DYNC1H1: variants seen among roughly 807,000 people sequenced by gnomAD.
DYNC1H1 encodes cytoplasmic dynein 1 heavy chain 1.
Under a neutral mutation model 527.1 loss-of-function variants are expected in DYNC1H1, and 51 were observed. That is an observed-to-expected ratio of 0.10 (90% CI 0.08 to 0.12). DYNC1H1 has a LOEUF of 0.12. DYNC1H1 is among the 10% of genes least tolerant of loss of function. The probability of loss-of-function intolerance (pLI) is 1.00; values close to 1 mark genes in which losing one functional copy is unlikely to be tolerated. For synonymous variants in DYNC1H1, 2,189 were observed against 2,278.8 expected (o/e 0.96, Z 1.12); for missense variants, 2,771 against 5,971.8 (o/e 0.46, Z 17.66).
At chr14:101,980,940 T>C (rs1029597350) in intron 5 of DYNC1H1, among the ~76,000 whole-genome samples, 1 of 152,156 alleles carries the variant, frequency 6.6e-6, no homozygotes, top group Admixed American at 6.5e-5. Context: ...GCCCAGAGGG[T>C]TGTGGAAAAA....
rs1595624407 is a variant in DYNC1H1, at chr14:102,029,830, G to A, written c.9654G>A (p.Leu3218=). The A allele has an allele frequency of 1.9e-6, 3 of 1,614,148 alleles. No individual in the cohort carries two copies. Among genetic ancestry groups the A allele is most frequent in the Non-Finnish European group, 1.7e-6 (2 of 1,180,034 alleles). Reference sequence around the variant, plus strand: ...GCTTTGCTCTTTAGGTAGAAGAACTGCGTCGTGACTTGAGGATAAAGAGCC... The same window carrying A: ...GCTTTGCTCTTTAGGTAGAAGAACTACGTCGTGACTTGAGGATAAAGAGCC... ...IKETVDQVEE[L]RRDLRIKSQE... The change falls in exon 50 of 78, where the codon CTG becomes CTA. Residue 3218 remains leucine, a synonymous_variant. Transcript: ENST00000360184. This position sits in a 1 kb window ranked among gnomAD's most constrained non-coding sequence, Gnocchi z 5.3.
rs1191328249 is a variant in DYNC1H1 at position 102,027,865 on chromosome 14, G to A, written c.9263+32G>A. On this transcript the variant is annotated intron_variant, in intron 47 of 77. Coordinates refer to ENST00000360184, the MANE Select transcript of DYNC1H1 (RefSeq NM_001376.5). This position sits in a 1 kb window ranked among gnomAD's most constrained non-coding sequence, Gnocchi z 7.7. ...GGGCCTTTACTTGGCTCTGGGTCAGGAAAGTCGGTGTCCTTCCAAGGGACA... is the reference window on the plus strand; with the variant it reads ...GGGCCTTTACTTGGCTCTGGGTCAGAAAAGTCGGTGTCCTTCCAAGGGACA... 3.1e-6 allele frequency: 5 copies of A among 1,614,200 alleles called. No homozygotes were observed. The African/African-American group carries it at 4.0e-5, about 13-fold the overall frequency.
Position 102,041,666 on chromosome 14 carries a change from A to C in DYNC1H1, c.12034A>C (p.Asn4012His), listed in dbSNP as rs751075435. 6.2e-7 allele frequency: 1 copy of C among 1,614,124 alleles called. No homozygotes were observed. ...LAMAHMFVST[N>H]LGESFMSIME... ...CATGGCCCACATGTTTGTTTCAACA[A>C]ACCTTGGGGAGTCTTTCATGTCCAT... is the stretch of plus-strand genomic sequence containing the variant. Residue 4012 changes from asparagine (N) to histidine (H), a missense_variant, in exon 65 of 78, where the codon AAC becomes CAC. Around this residue, in one of 32 missense-constraint regions of DYNC1H1, gnomAD observed 120 missense variants for 161.9 expected, o/e 0.74. Transcript: ENST00000360184. This position sits in a 1 kb window ranked among gnomAD's most constrained non-coding sequence, Gnocchi z 4.5.
chr14:101,971,675 G>A (rs1595593951), intron 1 of DYNC1H1, among the ~76,000 whole-genome samples: 2 of 152,170 alleles, frequency 1.3e-5, no homozygotes, highest in African/African-American at 4.8e-5. Flanking sequence ...GCAATGAGCT[G>A]TGATTGCACC....
chr14:102,005,824 A>C lies in DYNC1H1; in HGVS notation c.5434-64A>C, dbSNP rs1350626035. The C allele has an allele frequency of 2.5e-6, 4 of 1,603,108 alleles. No homozygotes were observed. The highest frequency in any genetic ancestry group is 4.5e-5 in the East Asian group (2 of 44,840). ...TCAATTTCAGTTTAACAGTCCACAA[A>C]CCCGGAGAATGCACTGTATTGCTTT... is the stretch of plus-strand genomic sequence containing the variant. On this transcript the variant is annotated intron_variant, in intron 26 of 77. Transcript: ENST00000360184. The surrounding 1 kb of genome is among the most constrained non-coding windows in gnomAD (Gnocchi z 4.0).
At chr14:102,048,363 G>C (rs879336083) in intron 73 of DYNC1H1, 153 bp from the exon 74 acceptor site, 1 of 1,068,358 alleles carries the variant, frequency 9.4e-7, no homozygotes, top group South Asian at 1.4e-5. Context: ...ACACAAGCTC[G>C]GTTCCAAGTC....
chr14:101,986,766 A>G lies in DYNC1H1; in HGVS notation c.2538+3A>G, dbSNP rs1566999428. The G allele has an allele frequency of 1.9e-6, 3 of 1,614,162 alleles. No homozygotes were observed. Among genetic ancestry groups the G allele is most frequent in the Non-Finnish European group, 1.7e-6 (2 of 1,180,016 alleles). On this transcript the variant is annotated splice_donor_region_variant and intron_variant, in intron 8 of 77. Transcript: ENST00000360184. The surrounding 1 kb of genome is among the most constrained non-coding windows in gnomAD (Gnocchi z 8.7). ...CTGTCTTCAACTTCCAAGAAAAGGT[A>G]TGCTCTCATGTAATCCTCAGGTGTC...
At chr14:102,022,984 T>C (rs2152586527) in intron 43 of DYNC1H1, 104 bp downstream of exon 43, 1 of 1,551,164 alleles carries the variant, frequency 6.4e-7, no homozygotes, top group Non-Finnish European at 8.7e-7. Context: ...ATCTTTAGGC[T>C]GGGTATGGTG....
At position 102,005,049 on chromosome 14, in the gene DYNC1H1, T is replaced by C; in HGVS notation, c.5246T>C (p.Leu1749Pro). ...TGTTTCTGTGTCTTTCAGGCCCAGC[T>C]TGTGGTTTTGTCAGCCCAGATAGCC... The part of the protein sequence containing the change: ...ITWIDKYQAQ[L>P]VVLSAQIAWS... The change falls in exon 26 of 78, where the codon CTT becomes CCT. Residue 1749 changes from leucine to proline, a missense_variant. Physicochemically the swap from Leu to Pro is moderately conservative, Grantham distance 98. Transcript: ENST00000360184. The surrounding 1 kb of genome is among the most constrained non-coding windows in gnomAD (Gnocchi z 4.0). The C allele has an allele frequency of 6.2e-7, 1 of 1,614,196 alleles. No individual in the cohort carries two copies. The highest frequency in any genetic ancestry group is 2.2e-5 in the East Asian group (1 of 44,882).
Position 102,011,251 on chromosome 14 carries a change from C to G in DYNC1H1, c.6618+299C>G, listed in dbSNP as rs1000783315. 1.4e-5 allele frequency: 6 copies of G among 435,828 alleles called. No homozygotes were observed. Among genetic ancestry groups the G allele is most frequent in the Non-Finnish European group, 2.6e-5 (6 of 234,132 alleles). The allele number at this position is 435,828 out of a possible 1,614,324, so 27.0% of individuals were successfully genotyped here. Reference sequence around the variant, plus strand: ...ATAAAAATTCTGCTTACCAGACTTTCCAGTGCCAGAGATGAACAACCTGAA... The same window carrying G: ...ATAAAAATTCTGCTTACCAGACTTTGCAGTGCCAGAGATGAACAACCTGAA... On this transcript the variant is annotated intron_variant, in intron 32 of 77. Coordinates refer to ENST00000360184, the MANE Select transcript of DYNC1H1 (RefSeq NM_001376.5). This position sits in a 1 kb window ranked among gnomAD's most constrained non-coding sequence, Gnocchi z 5.3.
At position 102,036,339 on chromosome 14, in the gene DYNC1H1, T is replaced by C. The variant is rs2048575045; in HGVS notation, c.10755-150T>C. 1 of 928,678 alleles carries C rather than the reference T, an allele frequency of 1.1e-6. No homozygotes were observed. Among genetic ancestry groups the C allele is most frequent in the Non-Finnish European group, 1.7e-6 (1 of 585,410 alleles). 57.5% of individuals were successfully genotyped at this position (928,678 alleles called of 1,614,324 possible). A position where few individuals can be genotyped will look rare whatever the true frequency, so the allele number is the denominator to read the frequency against. ...GTTAGCATTAAGCATGTAAGCTTTATTGGTAAACCTGAAAACGTCTCCGGA... is the reference window on the plus strand; with the variant it reads ...GTTAGCATTAAGCATGTAAGCTTTACTGGTAAACCTGAAAACGTCTCCGGA... On this transcript the variant is annotated intron_variant, in intron 56 of 77. Coordinates refer to ENST00000360184, the MANE Select transcript of DYNC1H1 (RefSeq NM_001376.5). This position sits in a 1 kb window ranked among gnomAD's most constrained non-coding sequence, Gnocchi z 5.6.
chr14:101,987,092 A>G (rs1271652625), intron 8 of DYNC1H1, among the ~76,000 whole-genome samples: 1 of 152,272 alleles, frequency 6.6e-6, no homozygotes, highest in Non-Finnish European at 1.5e-5. Context: ...GGCCTTACCC[A>G]GAGCCTGCGG....
chr14:101,969,163 G>T (rs1478473214), intron 1 of DYNC1H1, among the ~76,000 whole-genome samples: 1 of 150,554 alleles, frequency 6.6e-6, no homozygotes, highest in South Asian at 2.1e-4. Flanking sequence ...GACTACAGGC[G>T]CCTGCCACCA....
intron 34 of DYNC1H1, among the ~76,000 whole-genome samples, 162 bp from the exon 35 acceptor site, chr14:102,014,943 G>A (rs2048302906): frequency 6.6e-6 from 1 of 152,056 alleles, no homozygotes; most frequent in Non-Finnish European, 1.5e-5. Flanking sequence ...AGCCTCCCAA[G>A]TAGCTGCAAT....
intron 15 of DYNC1H1, among the ~76,000 whole-genome samples, chr14:101,995,840 C>G (rs1419933417): frequency 1.3e-5 from 2 of 151,970 alleles, no homozygotes; most frequent in Admixed American, 6.6e-5. Flanking sequence ...GTGGGCAGAT[C>G]ACCTGAAGTC....
In DYNC1H1 at chr14:102,003,110, C is replaced by G. The variant is rs2048150389; in HGVS notation, c.4883+145C>G. On this transcript the variant is annotated intron_variant, in intron 23 of 77. Transcript: ENST00000360184. ...AGCCAATAATACATATAATGATTAC[C>G]ATTCCCTTCCCTGTCATGCAGTGAT... The G allele has an allele frequency of 7.2e-6, 8 of 1,108,830 alleles. No homozygotes were observed. In the South Asian group the frequency reaches 9.4e-5, roughly 13 times the overall value. The allele number at this position is 1,108,830 out of a possible 1,614,324, so 68.7% of individuals were successfully genotyped here.
intron 73 of DYNC1H1, 188 bp downstream of exon 73, chr14:102,048,216 G>T: frequency 1.3e-6 from 1 of 790,418 alleles, no homozygotes; most frequent in Non-Finnish European, 2.0e-6. Context: ...TTTTGAAATG[G>T]ACTGAAAACA....
In DYNC1H1 at chr14:101,994,170, C is replaced by G. The variant is rs1239225457; in HGVS notation, c.3016-14C>G. 2 of 1,614,086 alleles carry G rather than the reference C, an allele frequency of 1.2e-6. No homozygotes were observed. Among genetic ancestry groups the G allele is most frequent in the South Asian group, 1.1e-5 (1 of 91,076 alleles). On this transcript the variant is annotated splice_polypyrimidine_tract_variant and intron_variant, in intron 11 of 77. Coordinates refer to ENST00000360184, the MANE Select transcript of DYNC1H1 (RefSeq NM_001376.5). ...TATACACTGCTTGCATTCATTTCGG[C>G]TTTGGTTGGCTAGGTGGGTGTACAT...
chr14:102,048,852 AATTTGT>A (rs1567025745), intron 74 of DYNC1H1, 183 bp downstream of exon 74: 1 of 758,700 alleles, frequency 1.3e-6, no homozygotes, highest in Admixed American at 2.9e-5. Flanking sequence ...AATGCTGAAG[AATTTGT>A]TTTTCTTCTG....
Sources: gnomAD v4.1 joint callset for allele counts (sites outside exome capture counted in the v4.1 genomes callset) on GRCh38, gnomAD v4.1.1 for gene constraint, gnomAD v4.1.1 regional missense constraint, Gnocchi (gnomAD v3.1) non-coding constraint, MANE v1.5 for transcripts, NCBI Gene and HGNC (gene_info 2026-07-23, HGNC 2026-07-21) for gene names.